The following BMPR1B variants were observed in gnomAD, a reference collection of about 807,000 sequenced individuals.
BMPR1B encodes the protein bone morphogenetic protein receptor type-1B.
Under a neutral mutation model 59.1 loss-of-function variants are expected in BMPR1B, and 12 were observed. The ratio of observed to expected loss-of-function variants is 0.20; its 90% CI spans 0.13 to 0.33. The LOEUF (loss-of-function observed/expected upper bound fraction) is 0.33, where lower values mean the gene tolerates loss of function less well. Among genes scored for constraint, BMPR1B ranks in the 10% least tolerant of loss-of-function variants. BMPR1B has a pLI of 1.00. For synonymous variants in BMPR1B, 237 were observed against 207.3 expected (o/e 1.14, Z -1.23); for missense variants, 550 against 610.9 (o/e 0.90, Z 1.05).
rs375496365 is a variant in BMPR1B, at chr4:94,954,433, T to C, written c.-112-41607T>C. 5.9e-5 allele frequency among the ~76,000 whole-genome samples: 9 copies of C among 152,360 alleles called. No homozygotes were observed. The East Asian group carries it at 1.7e-3, about 29-fold the overall frequency. On this transcript the variant is annotated intron_variant, in intron 2 of 12. Transcript: ENST00000515059. Reference sequence around the variant, plus strand: ...AAACTTTCTACCTATGCAATGCATATCATTAAGGCTGCCACATATGGCTGC... The same window carrying C: ...AAACTTTCTACCTATGCAATGCATACCATTAAGGCTGCCACATATGGCTGC...
chr4:94,862,804 G>A lies in BMPR1B; in HGVS notation c.-182-13027G>A, dbSNP rs552588281. Among the ~76,000 whole-genome samples the A allele has an allele frequency of 2.4e-4, 37 of 152,092 alleles. 1 individual carries two copies. The East Asian group carries it at 7.2e-3, about 30-fold the overall frequency. ...ACTAAAAATACAAAAAATTAGCCGGGCGTGGTTGCGGGCACCTGTAGTCCC... is the reference window on the plus strand; with the variant it reads ...ACTAAAAATACAAAAAATTAGCCGGACGTGGTTGCGGGCACCTGTAGTCCC... On this transcript the variant is annotated intron_variant, in intron 1 of 12. Transcript: ENST00000515059.
intron 2 of BMPR1B, among the ~76,000 whole-genome samples, chr4:94,929,098 C>T (rs1728997369): frequency 6.6e-6 from 1 of 152,120 alleles, no homozygotes; most frequent in East Asian, 1.9e-4. Context: ...GAGCATGAAA[C>T]TTGGCTACTA....
intron 3 of BMPR1B, among the ~76,000 whole-genome samples, chr4:95,049,054 G>A (rs1230983793): frequency 2.6e-5 from 4 of 152,072 alleles, no homozygotes; most frequent in South Asian, 4.1e-4. Flanking sequence ...GTTTAATCTC[G>A]TTTTCACTCT....
chr4:95,126,304 G>C (rs1400297746), intron 8 of BMPR1B, among the ~76,000 whole-genome samples: 1 of 152,124 alleles, frequency 6.6e-6, no homozygotes, highest in Non-Finnish European at 1.5e-5. Context: ...TTTTTAAAAA[G>C]CTTTCAGCTC....
intron 3 of BMPR1B, among the ~76,000 whole-genome samples, chr4:95,097,013 T>C (rs1579072566): frequency 1.4e-5 from 2 of 145,108 alleles, no homozygotes; most frequent in East Asian, 3.9e-4. Flanking sequence ...ATAAATTGTA[T>C]ATTATATATA....
chr4:95,029,982 A>G (rs1724708382), intron 3 of BMPR1B, among the ~76,000 whole-genome samples: 1 of 151,496 alleles, frequency 6.6e-6, no homozygotes, highest in South Asian at 2.1e-4. Context: ...TTTCTTGTAA[A>G]TTTGTTTGAG....
At chr4:94,882,375 T>G (rs1255749871) in intron 2 of BMPR1B, among the ~76,000 whole-genome samples, 1 of 152,214 alleles carries the variant, frequency 6.6e-6, no homozygotes, top group Non-Finnish European at 1.5e-5. Flanking sequence ...AGAAACTTTT[T>G]CTCTTCGTCA....
intron 3 of BMPR1B, among the ~76,000 whole-genome samples, chr4:95,033,554 T>C (rs1033465992): frequency 6.6e-6 from 1 of 152,132 alleles, no homozygotes; most frequent in Non-Finnish European, 1.5e-5. Context: ...GACTCTCTTT[T>C]CCCTTTTGAA....
chr4:94,998,015 C>T (rs1418968230), intron 3 of BMPR1B, among the ~76,000 whole-genome samples: 1 of 152,062 alleles, frequency 6.6e-6, no homozygotes, highest in African/African-American at 2.4e-5. Flanking sequence ...TAAGAAGAAA[C>T]TAAAGAAAGT....
intron 1 of BMPR1B, among the ~76,000 whole-genome samples, chr4:94,761,951 A>T (rs1316998136): frequency 6.6e-6 from 1 of 152,198 alleles, no homozygotes; most frequent in Non-Finnish European, 1.5e-5. Context: ...TTAATAACTT[A>T]AATTGAGTGA....
rs75051307 is a variant in BMPR1B, at chr4:94,935,279, C to G, written c.-113+59379C>G. On this transcript the variant is annotated intron_variant, in intron 2 of 12. Coordinates refer to ENST00000515059, the MANE Select transcript of BMPR1B (RefSeq NM_001203.3). ...GTCAATTTATGGAATATATATGTCT[C>G]TGGATCTTGTGAACTCATGGAGGTA... Among the ~76,000 whole-genome samples the G allele has an allele frequency of 7.2e-3, 1,096 of 152,158 alleles. 9 individuals are homozygous for G. Among genetic ancestry groups the G allele is most frequent in the African/African-American group, 0.021 (854 of 41,522 alleles).
At chr4:94,963,273 T>G (rs952830108) in intron 2 of BMPR1B, among the ~76,000 whole-genome samples, 1 of 152,124 alleles carries the variant, frequency 6.6e-6, no homozygotes, top group African/African-American at 2.4e-5. Context: ...GTTTATAAAT[T>G]TTTTTTGCAT....
intron 3 of BMPR1B, among the ~76,000 whole-genome samples, chr4:95,084,716 C>G (rs747117083): frequency 1.1e-4 from 17 of 152,162 alleles, no homozygotes; most frequent in Non-Finnish European, 2.2e-4. Context: ...GGGACACTTC[C>G]CTTGCACTAA....
intron 2 of BMPR1B, among the ~76,000 whole-genome samples, chr4:94,937,293 CAG>C (rs1263240740): frequency 6.6e-6 from 1 of 152,112 alleles, no homozygotes; most frequent in Non-Finnish European, 1.5e-5. Context: ...TTTTCCCTGG[CAG>C]AGTTAGGCAC....
intron 1 of BMPR1B, among the ~76,000 whole-genome samples, chr4:94,841,166 A>C (rs1725050254): frequency 6.7e-6 from 1 of 149,696 alleles, no homozygotes; most frequent in Non-Finnish European, 1.5e-5. Context: ...CTCTCTTCAA[A>C]GCTGTCTGAC....
chr4:94,956,841 A>G (rs1243081796), intron 2 of BMPR1B, among the ~76,000 whole-genome samples: 1 of 152,082 alleles, frequency 6.6e-6, no homozygotes, highest in Non-Finnish European at 1.5e-5. Flanking sequence ...GCTCAGTTTC[A>G]GTGTAATTGT....
intron 8 of BMPR1B, among the ~76,000 whole-genome samples, chr4:95,128,743 A>C (rs893746591): frequency 3.9e-5 from 6 of 152,200 alleles, no homozygotes; most frequent in Non-Finnish European, 8.8e-5. Flanking sequence ...CATTACAAAA[A>C]TGTAATTTCC....
At chr4:95,056,301 T>C (rs1231596068) in intron 3 of BMPR1B, among the ~76,000 whole-genome samples, 1 of 152,204 alleles carries the variant, frequency 6.6e-6, no homozygotes, top group African/African-American at 2.4e-5. Context: ...CTTTGCACTC[T>C]ATTTTTACTC....
rs377132670 is a variant in BMPR1B, at chr4:95,055,937, G to A, written c.-17-48471G>A. Among the ~76,000 whole-genome samples the A allele has an allele frequency of 3.3e-5, 5 of 152,248 alleles. No homozygotes were observed. The East Asian group carries it at 5.8e-4, about 18-fold the overall frequency. On this transcript the variant is annotated intron_variant, in intron 3 of 12. Coordinates refer to ENST00000515059, the MANE Select transcript of BMPR1B (RefSeq NM_001203.3). ...ACTGAATCTGAAATAACATTGGACAGATATTTTATTGATTTAGAACATTGT... is the reference window on the plus strand; with the variant it reads ...ACTGAATCTGAAATAACATTGGACAAATATTTTATTGATTTAGAACATTGT...
Sources: gnomAD v4.1 joint callset for allele counts (sites outside exome capture counted in the v4.1 genomes callset) on GRCh38, gnomAD v4.1.1 for gene constraint, MANE v1.5 for transcripts, NCBI Gene and HGNC (gene_info 2026-07-23, HGNC 2026-07-21) for gene names.